ZFYVE16: variants seen among roughly 807,000 people sequenced by gnomAD.
ZFYVE16 encodes zinc finger FYVE domain-containing protein 16.
A neutral mutation model predicts 138.1 loss-of-function variants in ZFYVE16; 89 were observed. The ratio of observed to expected loss-of-function variants is 0.64; its 90% CI spans 0.54 to 0.77. The LOEUF (loss-of-function observed/expected upper bound fraction) is 0.77. ZFYVE16 is among the 30% of genes least tolerant of loss of function. ZFYVE16 has a pLI of 0.00. For synonymous variants in ZFYVE16, 596 were observed against 618.3 expected, an observed-to-expected ratio of 0.96 and a Z score of 0.53; for missense variants, 1,793 against 1,786.7, an observed-to-expected ratio of 1.00 and a Z score of -0.06.
chr5:80,425,950 T>C (rs60817259), intron 1 of ZFYVE16, among the ~76,000 whole-genome samples: 9,062 of 152,190 alleles, frequency 0.06, 485 homozygotes, highest in African/African-American at 0.14. Flanking sequence ...GAATTAAAAA[T>C]TTTTAACATC....
intron 2 of ZFYVE16, among the ~76,000 whole-genome samples, chr5:80,428,050 G>T (rs572430600): frequency 6.9e-6 from 1 of 145,830 alleles, no homozygotes; most frequent in Non-Finnish European, 1.5e-5. Flanking sequence ...AGCTCCCAGC[G>T]TGAGCGACAC....
chr5:80,473,063 A>G, intron 16 of ZFYVE16, 140 bp downstream of exon 16: 1 of 863,606 alleles, frequency 1.2e-6, no homozygotes, highest in Non-Finnish European at 1.7e-6. Flanking sequence ...AAATTAATGA[A>G]TGCAATCTTT....
chr5:80,425,738 G>T (rs259023), intron 1 of ZFYVE16, among the ~76,000 whole-genome samples: 132,909 of 152,120 alleles, frequency 0.87, 58,826 homozygotes, highest in Non-Finnish European at 0.94. Flanking sequence ...AGATTCAGAT[G>T]CAGTTTTTTT....
intron 5 of ZFYVE16, chr5:80,441,972 A>C: frequency 1.1e-6 from 1 of 951,630 alleles, no homozygotes; most frequent in Non-Finnish European, 1.3e-6. Flanking sequence ...AATAGAAGCT[A>C]TATTCTCATG....
intron 15 of ZFYVE16, among the ~76,000 whole-genome samples, chr5:80,463,439 A>G (rs1246995320): frequency 6.6e-6 from 1 of 152,206 alleles, no homozygotes; most frequent in African/African-American, 2.4e-5. Flanking sequence ...TCCTGAGACT[A>G]CACAAGGCAG....
At chr5:80,458,613 T>C (rs992176287) in intron 14 of ZFYVE16, among the ~76,000 whole-genome samples, 5 of 152,240 alleles carry the variant, frequency 3.3e-5, no homozygotes, top group African/African-American at 1.2e-4. Context: ...CTGTCCCTTA[T>C]TGATGGGCAT....
chr5:80,458,904 CAATT>C (rs1752806888), intron 14 of ZFYVE16, among the ~76,000 whole-genome samples: 1 of 152,186 alleles, frequency 6.6e-6, no homozygotes, highest in African/African-American at 2.4e-5. Flanking sequence ...AATACTCCAT[CAATT>C]ATTAATAAAA....
chr5:80,431,833 A>G (rs1387612903), intron 2 of ZFYVE16, among the ~76,000 whole-genome samples: 1 of 152,216 alleles, frequency 6.6e-6, no homozygotes, highest in Non-Finnish European at 1.5e-5. Flanking sequence ...TCCCATTCAC[A>G]GTTGCTTCAA....
intron 3 of ZFYVE16, chr5:80,435,840 G>A (rs1252001239): frequency 2.0e-5 from 6 of 300,096 alleles, no homozygotes; most frequent in Non-Finnish European, 3.4e-5. Flanking sequence ...TTCCCAAAGC[G>A]CTGGGATTAC....
intron 2 of ZFYVE16, among the ~76,000 whole-genome samples, chr5:80,431,296 A>G (rs1338261376): frequency 6.6e-6 from 1 of 152,244 alleles, no homozygotes; most frequent in African/African-American, 2.4e-5. Flanking sequence ...ATGCAGATCA[A>G]TAAACGTAAT....
chr5:80,412,559 AATTAT>A (rs886937983), intron 1 of ZFYVE16, among the ~76,000 whole-genome samples: 1 of 152,146 alleles, frequency 6.6e-6, no homozygotes, highest in African/African-American at 2.4e-5. Flanking sequence ...ACCTTTTACA[AATTAT>A]ATTATCTTTT....
rs1040926038 is a variant in ZFYVE16, at chr5:80,474,758, C to T, written c.4389C>T (p.Cys1463=). The T allele has an allele frequency of 1.9e-6, 3 of 1,613,654 alleles. No homozygotes were observed. Among genetic ancestry groups the T allele is most frequent in the South Asian group, 1.1e-5 (1 of 91,040 alleles). Residue 1463 remains cysteine (C), a synonymous_variant, in exon 18 of 19, where the codon TGC becomes TGT. Coordinates refer to ENST00000505560, the MANE Select transcript of ZFYVE16 (RefSeq NM_001284236.3). ...EIAMACSAAL[C]PHLKTLKSNG... ...CCATGGCTTGTAGTGCTGCGCTGTGCCCTCACCTGAAAACTCTAAAAAGTA... is the reference window on the plus strand; with the variant it reads ...CCATGGCTTGTAGTGCTGCGCTGTGTCCTCACCTGAAAACTCTAAAAAGTA...
At chr5:80,443,414 G>T (rs1320559018) in intron 6 of ZFYVE16, 130 bp downstream of exon 6, 1 of 1,105,044 alleles carries the variant, frequency 9.0e-7, no homozygotes. Flanking sequence ...CAGGGAATTG[G>T]TTACACATGC....
rs1580034548 is a variant in ZFYVE16 at position 80,408,079 on chromosome 5, G to C, written c.-168G>C. ...GGGATCTGGCACTCCCAGGACTCCCGGCCGGGGTAGCTCTTCACTCCTCAG... is the reference window on the plus strand; with the variant it reads ...GGGATCTGGCACTCCCAGGACTCCCCGCCGGGGTAGCTCTTCACTCCTCAG... On this transcript the variant is annotated 5_prime_UTR_variant, in exon 1 of 19. Transcript: ENST00000505560. 6.6e-6 allele frequency: 1 copy of C among 152,314 alleles called. No individual in the cohort carries two copies. Among genetic ancestry groups the C allele is most frequent in the Non-Finnish European group, 1.5e-5 (1 of 68,102 alleles). 9.4% of individuals were successfully genotyped at this position (152,314 alleles called of 1,614,324 possible). A position where few individuals can be genotyped will look rare whatever the true frequency, so the allele number is the denominator to read the frequency against.
intron 4 of ZFYVE16, among the ~76,000 whole-genome samples, chr5:80,439,338 C>G (rs999931059): frequency 1.3e-5 from 2 of 152,186 alleles, no homozygotes; most frequent in African/African-American, 4.8e-5. Context: ...TCAGATTCCC[C>G]TTTGTCCTTG....
intron 18 of ZFYVE16, among the ~76,000 whole-genome samples, chr5:80,475,391 T>C (rs546021196): frequency 6.6e-6 from 1 of 152,356 alleles, no homozygotes; most frequent in South Asian, 2.1e-4. Context: ...CTGGAGATAA[T>C]AACTCCAGAC....
Position 80,474,680 on chromosome 5 carries a change from G to C in ZFYVE16, c.4311G>C (p.Lys1437Asn). ...VKCTEVFYFL[K>N]DQDLSILSTS... ...CATTTCAGGTGTTCTACTTTCTAAA[G>C]GACCAGGATTTATCTATTTTATCAA... is the stretch of plus-strand genomic sequence containing the variant. Residue 1437 changes from lysine to asparagine, a missense_variant, in exon 18 of 19, where the codon AAG becomes AAC. Coordinates refer to ENST00000505560, the MANE Select transcript of ZFYVE16 (RefSeq NM_001284236.3). 6.2e-7 allele frequency: 1 copy of C among 1,611,816 alleles called. No homozygotes were observed. Among genetic ancestry groups the C allele is most frequent in the Non-Finnish European group, 8.5e-7 (1 of 1,179,006 alleles).
intron 1 of ZFYVE16, among the ~76,000 whole-genome samples, chr5:80,419,914 C>T (rs980670242): frequency 4.0e-5 from 6 of 149,552 alleles, no homozygotes; most frequent in East Asian, 2.0e-4. Context: ...CGGGTTCAAG[C>T]GATTCTCCTG....
chr5:80,474,620 T>G (rs747282272), intron 17 of ZFYVE16, 43 bp from the exon 18 acceptor site: 1 of 1,550,740 alleles, frequency 6.4e-7, no homozygotes, highest in South Asian at 1.2e-5. Flanking sequence ...CATTTTAAAG[T>G]TACTTTTAAT....
Sources: allele counts gnomAD v4.1 joint callset (sites outside exome capture counted in the v4.1 genomes callset), GRCh38; gene constraint gnomAD v4.1.1; transcripts MANE v1.5; gene names NCBI Gene and HGNC (gene_info 2026-07-23, HGNC 2026-07-21).